The following CLVS1 variants were observed in gnomAD, a reference collection of about 807,000 sequenced individuals.
The protein encoded by CLVS1 is clavesin 1, also known as clavesin-1.
A neutral mutation model predicts 33.1 loss-of-function variants in CLVS1; 10 were observed. The observed-to-expected ratio is 0.30, with a 90% CI of 0.19 to 0.51. The LOEUF (loss-of-function observed/expected upper bound fraction) is 0.51. CLVS1 is among the 20% of genes least tolerant of loss of function. CLVS1 has a pLI of 0.97. For missense variants in CLVS1, 343 were observed against 433.4 expected (o/e 0.79, Z 1.85); for synonymous variants, 163 against 166.1 (o/e 0.98, Z 0.14).
chr8:61,476,169 T>A (rs1817918775), intron 5 of CLVS1, among the ~76,000 whole-genome samples: 1 of 152,234 alleles, frequency 6.6e-6, no homozygotes, highest in African/African-American at 2.4e-5. Flanking sequence ...TCTGTTTTGG[T>A]ACCAGGACCA....
At chr8:61,234,145 C>T (rs1056390979) in intron 2 of CLVS1, among the ~76,000 whole-genome samples, 6 of 151,990 alleles carry the variant, frequency 3.9e-5, no homozygotes, top group African/African-American at 1.5e-4. Flanking sequence ...TGGAGGCCCA[C>T]CACAGACCAC....
intron 1 of CLVS1, among the ~76,000 whole-genome samples, chr8:61,099,499 TC>T (rs1805410249): frequency 6.6e-6 from 1 of 152,200 alleles, no homozygotes; most frequent in Non-Finnish European, 1.5e-5. Flanking sequence ...GTAATACTCA[TC>T]TTGCAGGAGT....
chr8:61,246,272 C>T (rs28367895), intron 2 of CLVS1, among the ~76,000 whole-genome samples: 49,092 of 142,958 alleles, frequency 0.34, 8,720 homozygotes, highest in Admixed American at 0.41. Flanking sequence ...CAGGTTCAAG[C>T]GATTCTCCTG....
rs184402042 is a variant in CLVS1 at position 61,102,980 on chromosome 8, C to A, written c.-242-28790C>A. On this transcript the variant is annotated intron_variant, in intron 1 of 2. Coordinates refer to the CLVS1 transcript ENST00000522621. ...TTTTTATGGGTGATCTTCTTGCCAC[C>A]GGGAAAGGTAGGCAATGATAGTAGA... Among the ~76,000 whole-genome samples, 33 of 152,096 alleles carry A rather than the reference C, an allele frequency of 2.2e-4. No individual in the cohort carries two copies. The East Asian group carries it at 6.2e-3, about 29-fold the overall frequency.
At chr8:61,022,747 G>A in the CLVS1 span, among the ~76,000 whole-genome samples, 1 of 152,174 alleles carries the variant, frequency 6.6e-6, no homozygotes, top group Non-Finnish European at 1.5e-5. Flanking sequence ...GTGCTAAAGA[G>A]CTGGTGCCAA....
intron 2 of CLVS1, among the ~76,000 whole-genome samples, chr8:61,337,643 T>A (rs781766664): frequency 6.6e-6 from 1 of 152,186 alleles, no homozygotes; most frequent in African/African-American, 2.4e-5. Context: ...GTGGGCTGTT[T>A]ATGTGTCTTC....
chr8:61,046,491 C>T, the CLVS1 span, among the ~76,000 whole-genome samples: 26,544 of 144,660 alleles, frequency 0.18, 2,624 homozygotes, highest in Middle Eastern at 0.32. Flanking sequence ...TGGTTCCATA[C>T]GAACTTTAAA....
At chr8:61,228,217 T>C (rs942349869) in intron 2 of CLVS1, among the ~76,000 whole-genome samples, 5 of 152,202 alleles carry the variant, frequency 3.3e-5, no homozygotes, top group Non-Finnish European at 7.3e-5. Flanking sequence ...TATATATTTA[T>C]AGTAGACAAT....
chr8:61,068,223 G>GTATATATATATA (rs71521932), intron 1 of CLVS1, among the ~76,000 whole-genome samples: 21 of 105,174 alleles, frequency 2.0e-4, no homozygotes, highest in African/African-American at 4.2e-4. Context: ...ATATATGTAT[G>GTATATATATATA]TATGTGTATA....
intron 2 of CLVS1, among the ~76,000 whole-genome samples, chr8:61,365,521 C>A (rs1340606212): frequency 1.7e-5 from 2 of 120,596 alleles, no homozygotes; most frequent in African/African-American, 5.6e-5. Flanking sequence ...GAGTGAAACA[C>A]CATGTCAAAA....
At chr8:61,386,983 A>G (rs570573663) in intron 3 of CLVS1, among the ~76,000 whole-genome samples, 1 of 152,344 alleles carries the variant, frequency 6.6e-6, no homozygotes, top group South Asian at 2.1e-4. Context: ...GAGGCCAACT[A>G]AAGACCTTGG....
chr8:61,223,875 T>C (rs1387258460), intron 2 of CLVS1, among the ~76,000 whole-genome samples: 3 of 152,180 alleles, frequency 2.0e-5, no homozygotes, highest in Non-Finnish European at 4.4e-5. Context: ...TTCCTTTAGA[T>C]TCTTTTTTCT....
chr8:60,995,156 C>G, the CLVS1 span, among the ~76,000 whole-genome samples: 2 of 152,200 alleles, frequency 1.3e-5, no homozygotes, highest in Non-Finnish European at 2.9e-5. Context: ...ACAAAATTGA[C>G]AAATGGCATC....
the CLVS1 span, among the ~76,000 whole-genome samples, chr8:61,006,345 C>A: frequency 1.3e-5 from 2 of 152,180 alleles, no homozygotes; most frequent in African/African-American, 4.8e-5. Flanking sequence ...CCTGTAGTTT[C>A]TCCTGGCCTC....
At chr8:61,343,577 A>G (rs1469946740) in intron 2 of CLVS1, among the ~76,000 whole-genome samples, 1 of 152,240 alleles carries the variant, frequency 6.6e-6, no homozygotes, top group African/African-American at 2.4e-5. Flanking sequence ...AGTAATGAAG[A>G]GAAGCATCCA....
intron 4 of CLVS1, among the ~76,000 whole-genome samples, chr8:61,457,931 G>A (rs1817226227): frequency 6.6e-6 from 1 of 152,212 alleles, no homozygotes; most frequent in Non-Finnish European, 1.5e-5. Flanking sequence ...AGGACTGGGT[G>A]AGAGCACACA....
chr8:61,188,878 A>G (rs1807401146), intron 2 of CLVS1, among the ~76,000 whole-genome samples: 1 of 152,126 alleles, frequency 6.6e-6, no homozygotes. Flanking sequence ...GATATAGGTA[A>G]TATTTAAAAA....
intron 2 of CLVS1, among the ~76,000 whole-genome samples, chr8:61,232,029 T>TGTTTGTTTGTTTGTTTG (rs1563455079): frequency 8.0e-4 from 35 of 43,728 alleles, no homozygotes; most frequent in African/African-American, 2.5e-3. Context: ...TGTGGTTTTT[T>TGTTTGTTTGTTTGTTTG]TTTTTTTTTT....
intron 5 of CLVS1, among the ~76,000 whole-genome samples, chr8:61,468,174 T>C (rs530077982): frequency 8.3e-4 from 127 of 152,360 alleles, no homozygotes; most frequent in African/African-American, 3.0e-3. Flanking sequence ...TTACTGCTTA[T>C]GTGAAATGGC....
Sources: gnomAD v4.1 joint callset for allele counts (sites outside exome capture counted in the v4.1 genomes callset) on GRCh38, gnomAD v4.1.1 for gene constraint, MANE v1.5 for transcripts, NCBI Gene and HGNC (gene_info 2026-07-23, HGNC 2026-07-21) for gene names.